Variants in NPAS3 observed in about 807,000 individuals in gnomAD.
NPAS3 encodes the protein neuronal PAS domain-containing protein 3.
Under a neutral mutation model 73.1 loss-of-function variants are expected in NPAS3, and 14 were observed. That is an observed-to-expected ratio of 0.19 (90% CI 0.13 to 0.30). The LOEUF is 0.30. Among genes scored for constraint, NPAS3 ranks in the 10% least tolerant of loss-of-function variants. The pLI, the probability that NPAS3 is intolerant of heterozygous loss-of-function variation, is 1.00. For missense variants in NPAS3, 1,096 were observed against 1,250.0 expected (o/e 0.88, Z 1.86); for synonymous variants, 620 against 541.5 (o/e 1.14, Z -2.01).
intron 5 of NPAS3, among the ~76,000 whole-genome samples, chr14:33,672,322 TATACTAACATA>T (rs1409358248): frequency 2.0e-5 from 3 of 152,242 alleles, no homozygotes; most frequent in Admixed American, 6.5e-5. Flanking sequence ...ACAATGCCAT[TATACTAACATA>T]AAAGAACCAC....
chr14:33,485,787 T>C (rs1240359255), intron 4 of NPAS3, among the ~76,000 whole-genome samples: 1 of 152,174 alleles, frequency 6.6e-6, no homozygotes, highest in Non-Finnish European at 1.5e-5. Context: ...CTTGGTTTCT[T>C]CTCTCCCCAC....
chr14:33,438,833 G>A (rs1267740234), intron 4 of NPAS3, among the ~76,000 whole-genome samples: 1 of 152,178 alleles, frequency 6.6e-6, no homozygotes, highest in Non-Finnish European at 1.5e-5. Flanking sequence ...GAGATGAAAT[G>A]AAAGGCATGG....
At chr14:33,564,029 C>T (rs963579991) in intron 5 of NPAS3, among the ~76,000 whole-genome samples, 1 of 152,136 alleles carries the variant, frequency 6.6e-6, no homozygotes, top group African/African-American at 2.4e-5. Context: ...CTTATACTCT[C>T]CTCTTTCCAC....
chr14:33,471,797 G>A (rs1268540496), intron 4 of NPAS3, among the ~76,000 whole-genome samples: 1 of 152,196 alleles, frequency 6.6e-6, no homozygotes, highest in Non-Finnish European at 1.5e-5. Flanking sequence ...ATTAGGAACT[G>A]GGCTGCACAA....
intron 2 of NPAS3, among the ~76,000 whole-genome samples, chr14:33,112,253 C>A (rs1201000236): frequency 6.6e-6 from 1 of 152,204 alleles, no homozygotes; most frequent in Non-Finnish European, 1.5e-5. Context: ...ACACTGACTT[C>A]CACAATGGTT....
intron 4 of NPAS3, among the ~76,000 whole-genome samples, chr14:33,539,421 G>A (rs2054405965): frequency 6.6e-6 from 1 of 152,066 alleles, no homozygotes; most frequent in African/African-American, 2.4e-5. Flanking sequence ...ACGGCAAACA[G>A]GTTGAGTGGT....
At chr14:33,111,243 C>T (rs1005087247) in intron 2 of NPAS3, among the ~76,000 whole-genome samples, 1 of 152,164 alleles carries the variant, frequency 6.6e-6, no homozygotes, top group Non-Finnish European at 1.5e-5. Context: ...TTGAATGTCC[C>T]CCTACAGCAG....
rs138088920 is a variant in NPAS3, at chr14:33,254,950, G to A, written c.385+39524G>A. 6.5e-4 allele frequency among the ~76,000 whole-genome samples: 98 copies of A among 151,718 alleles called. No homozygotes were observed. The Middle Eastern group carries it at 0.01, about 16-fold the overall frequency. ...TGCTATAATATTTCTGGAAACATTG[G>A]AGGAATTTGTAAAAAAAAAAACTAG... On this transcript the variant is annotated intron_variant, in intron 3 of 11. Coordinates refer to ENST00000356141, the Ensembl canonical transcript of NPAS3.
intron 3 of NPAS3, among the ~76,000 whole-genome samples, chr14:33,337,206 G>C (rs1362577668): frequency 6.6e-6 from 1 of 152,024 alleles, no homozygotes; most frequent in East Asian, 1.9e-4. Context: ...TACAGTTTTA[G>C]CTCTTCAGTT....
intron 4 of NPAS3, among the ~76,000 whole-genome samples, chr14:33,371,831 C>T (rs1465440395): frequency 6.6e-6 from 1 of 152,144 alleles, no homozygotes; most frequent in East Asian, 1.9e-4. Context: ...GCTAAGTTCT[C>T]TTCTTATATC....
intron 7 of NPAS3, among the ~76,000 whole-genome samples, chr14:33,751,831 G>A (rs1395009246): frequency 6.6e-6 from 1 of 152,120 alleles, no homozygotes; most frequent in East Asian, 1.9e-4. Flanking sequence ...GTCCCAGTAA[G>A]ATCTGTGCAT....
At chr14:33,259,250 C>T (rs919268628) in intron 3 of NPAS3, among the ~76,000 whole-genome samples, 5 of 152,094 alleles carry the variant, frequency 3.3e-5, no homozygotes, top group South Asian at 2.1e-4. Flanking sequence ...TCTGTCTCAT[C>T]GAAACATCAG....
intron 4 of NPAS3, among the ~76,000 whole-genome samples, chr14:33,406,331 A>G (rs1311251737): frequency 8.5e-5 from 13 of 152,076 alleles, no homozygotes; most frequent in Non-Finnish European, 7.4e-5. Context: ...AGATGGGGAG[A>G]AAAGGAGAGT....
At chr14:33,568,011 T>C (rs572169302) in intron 5 of NPAS3, among the ~76,000 whole-genome samples, 1 of 152,354 alleles carries the variant, frequency 6.6e-6, no homozygotes, top group African/African-American at 2.4e-5. Context: ...CATTTTCAAA[T>C]GTATGAATCG....
At chr14:33,618,345 G>A (rs1567059013) in intron 5 of NPAS3, among the ~76,000 whole-genome samples, 1 of 151,962 alleles carries the variant, frequency 6.6e-6, no homozygotes, top group Non-Finnish European at 1.5e-5. Flanking sequence ...AGAATCAGTG[G>A]GAGCCCTCAG....
chr14:33,667,607 T>G (rs2059489057), intron 5 of NPAS3, among the ~76,000 whole-genome samples: 1 of 152,240 alleles, frequency 6.6e-6, no homozygotes, highest in Admixed American at 6.5e-5. Flanking sequence ...GTTTAGGGTA[T>G]TGACTTGCTT....
intron 4 of NPAS3, among the ~76,000 whole-genome samples, chr14:33,475,060 C>G (rs1399401720): frequency 1.3e-5 from 2 of 152,090 alleles, no homozygotes; most frequent in African/African-American, 4.8e-5. Context: ...AGCTGACATG[C>G]ACTCCTACCC....
At chr14:33,139,435 T>C (rs2043961818) in intron 2 of NPAS3, among the ~76,000 whole-genome samples, 2 of 152,230 alleles carry the variant, frequency 1.3e-5, no homozygotes, top group South Asian at 4.1e-4. Flanking sequence ...TTATTAATTT[T>C]AACTTGCCAA....
chr14:33,131,762 A>C (rs2043644288), intron 2 of NPAS3, among the ~76,000 whole-genome samples: 1 of 152,318 alleles, frequency 6.6e-6, no homozygotes, highest in South Asian at 2.1e-4. Context: ...CATGATTAAC[A>C]CAAAATCTCT....
Sources: allele counts gnomAD v4.1 joint callset (sites outside exome capture counted in the v4.1 genomes callset), GRCh38; gene constraint gnomAD v4.1.1; transcripts MANE v1.5; gene names NCBI Gene and HGNC (gene_info 2026-07-23, HGNC 2026-07-21).